ADGRL2: variants seen among roughly 807,000 people sequenced by gnomAD.
ADGRL2 encodes adhesion G protein-coupled receptor L2.
A neutral mutation model predicts 157.4 loss-of-function variants in ADGRL2; 44 were observed. The observed-to-expected ratio is 0.28, with a 90% CI of 0.22 to 0.36. The LOEUF is 0.36. Ranked by LOEUF, ADGRL2 falls within the 10% of genes least tolerant of loss-of-function variation. The pLI, the probability that ADGRL2 is intolerant of heterozygous loss-of-function variation, is 1.00. For synonymous variants in ADGRL2, 585 were observed against 624.7 expected, an observed-to-expected ratio of 0.94 and a Z score of 0.95; for missense variants, 1,510 against 1,768.9, an observed-to-expected ratio of 0.85 and a Z score of 2.63.
chr1:81,879,746 T>C (rs767253499), intron 2 of ADGRL2, among the ~76,000 whole-genome samples: 3 of 152,142 alleles, frequency 2.0e-5, no homozygotes, highest in Non-Finnish European at 4.4e-5. Flanking sequence ...GTGCAGTGGC[T>C]CACACCTGTA....
chr1:81,792,351 A>G (rs2149422737), intron 2 of ADGRL2, among the ~76,000 whole-genome samples: 1 of 152,318 alleles, frequency 6.6e-6, no homozygotes, highest in Non-Finnish European at 1.5e-5. Context: ...CAGCAGCAAC[A>G]CCAAGTCACA....
intron 1 of ADGRL2, among the ~76,000 whole-genome samples, chr1:81,404,209 A>G (rs780704419): frequency 6.6e-6 from 1 of 152,216 alleles, no homozygotes; most frequent in Non-Finnish European, 1.5e-5. Flanking sequence ...ACAGCATACC[A>G]ACCCCCTTGC....
intron 1 of ADGRL2, among the ~76,000 whole-genome samples, chr1:81,432,474 T>C (rs2077339232): frequency 6.6e-6 from 1 of 152,240 alleles, no homozygotes; most frequent in Non-Finnish European, 1.5e-5. Context: ...TTATGTTGAT[T>C]TTTTTATGCA....
intron 2 of ADGRL2, among the ~76,000 whole-genome samples, chr1:81,485,925 A>G (rs2078490486): frequency 6.6e-6 from 1 of 152,206 alleles, no homozygotes; most frequent in Admixed American, 6.5e-5. Flanking sequence ...TCAGACATCT[A>G]CTGAGCTAAC....
intron 1 of ADGRL2, among the ~76,000 whole-genome samples, chr1:81,801,431 C>A (rs764163614): frequency 6.6e-6 from 1 of 152,174 alleles, no homozygotes; most frequent in Non-Finnish European, 1.5e-5. Flanking sequence ...CTCTCCCTCT[C>A]GCTCCCTCTC....
intron 1 of ADGRL2, among the ~76,000 whole-genome samples, chr1:81,761,336 T>G (rs2149307059): frequency 6.6e-6 from 1 of 152,084 alleles, no homozygotes; most frequent in East Asian, 1.9e-4. Context: ...ATTATATAGT[T>G]TTAACAGAGA....
intron 1 of ADGRL2, among the ~76,000 whole-genome samples, chr1:81,372,552 C>A (rs1338904309): frequency 6.6e-6 from 1 of 152,104 alleles, no homozygotes; most frequent in Non-Finnish European, 1.5e-5. Flanking sequence ...ACAGTTTTAC[C>A]TCATCAGATG....
intron 11 of ADGRL2, among the ~76,000 whole-genome samples, chr1:81,962,505 T>C (rs1300837094): frequency 6.6e-6 from 1 of 152,172 alleles, no homozygotes; most frequent in Non-Finnish European, 1.5e-5. Flanking sequence ...TATCAGTTTA[T>C]TCTTTTTAGG....
At position 81,830,627 on chromosome 1, in the gene ADGRL2, C is replaced by A. The variant is rs142271252; in HGVS notation, c.-100-6258C>A. Reference sequence around the variant, plus strand: ...GGTTCAAGCGATTCTCCTGCCTCAGCCTCCTGAGTAGCTGGGATTACAAGT... The same window carrying A: ...GGTTCAAGCGATTCTCCTGCCTCAGACTCCTGAGTAGCTGGGATTACAAGT... On this transcript the variant is annotated intron_variant, in intron 1 of 23. Transcript: ENST00000686636. 8.7e-4 allele frequency among the ~76,000 whole-genome samples: 132 copies of A among 152,244 alleles called. 4 individuals carry two copies. The East Asian group carries it at 0.022, about 26-fold the overall frequency.
At position 81,966,401 on chromosome 1, in the gene ADGRL2, T is replaced by C; in HGVS notation, c.2144-3T>C. 12 of 1,613,748 alleles carry C rather than the reference T, an allele frequency of 7.4e-6. No individual in the cohort carries two copies. Among genetic ancestry groups the C allele is most frequent in the African/African-American group, 1.3e-5 (1 of 75,050 alleles). The stretch of plus-strand genomic sequence containing the variant: ...CATCATGTGACTATTTTTACCTTCC[T>C]AGGGCTTGCAAAGTTGGTGTTCATC... On this transcript the variant is annotated splice_region_variant and splice_polypyrimidine_tract_variant and intron_variant, in intron 12 of 23. Transcript: ENST00000686636.
At chr1:81,455,733 A>G (rs1223447863) in intron 2 of ADGRL2, among the ~76,000 whole-genome samples, 3 of 152,358 alleles carry the variant, frequency 2.0e-5, no homozygotes, top group African/African-American at 7.2e-5. Context: ...AACTACACAT[A>G]TATGCTGTTC....
chr1:81,332,080 G>T (rs985326853), intron 1 of ADGRL2, among the ~76,000 whole-genome samples: 3 of 152,086 alleles, frequency 2.0e-5, no homozygotes, highest in African/African-American at 7.2e-5. Flanking sequence ...AATGGATTCT[G>T]CAACTCACAA....
intron 2 of ADGRL2, among the ~76,000 whole-genome samples, chr1:81,550,488 G>A (rs781732117): frequency 6.6e-6 from 1 of 152,124 alleles, no homozygotes; most frequent in Non-Finnish European, 1.5e-5. Context: ...TCTGTTACAA[G>A]CCCAAGAGGT....
At chr1:81,856,250 C>T (rs1190432997) in intron 2 of ADGRL2, among the ~76,000 whole-genome samples, 1 of 152,060 alleles carries the variant, frequency 6.6e-6, no homozygotes, top group Admixed American at 6.6e-5. Context: ...TATTTTTTCC[C>T]CCTTGCAGTT....
At chr1:81,981,233 A>C in intron 18 of ADGRL2, 4 of 229,320 alleles carry the variant, frequency 1.7e-5, no homozygotes. Flanking sequence ...TTTTCTTCTT[A>C]AGCTGTTCAT....
intron 10 of ADGRL2, among the ~76,000 whole-genome samples, chr1:81,954,909 A>G (rs1422779331): frequency 6.6e-6 from 1 of 152,162 alleles, no homozygotes; most frequent in African/African-American, 2.4e-5. Context: ...GTAATTACCA[A>G]TAGATCAGAA....
chr1:81,403,169 A>G (rs2076786997), intron 1 of ADGRL2, among the ~76,000 whole-genome samples: 1 of 152,192 alleles, frequency 6.6e-6, no homozygotes, highest in Non-Finnish European at 1.5e-5. Context: ...AATTAATCCC[A>G]GAATAGTAAC....
chr1:81,375,921 A>C (rs1007363098), intron 1 of ADGRL2, among the ~76,000 whole-genome samples: 1 of 152,144 alleles, frequency 6.6e-6, no homozygotes, highest in African/African-American at 2.4e-5. Flanking sequence ...CATTCTGTTA[A>C]TTAGAACAAA....
intron 2 of ADGRL2, among the ~76,000 whole-genome samples, chr1:81,529,569 T>C (rs2079550926): frequency 6.6e-6 from 1 of 152,236 alleles, no homozygotes. Flanking sequence ...AAAAAGTAAG[T>C]CAATAACATG....
Sources: gnomAD v4.1 joint callset for allele counts (sites outside exome capture counted in the v4.1 genomes callset) on GRCh38, gnomAD v4.1.1 for gene constraint, MANE v1.5 for transcripts, NCBI Gene and HGNC (gene_info 2026-07-23, HGNC 2026-07-21) for gene names.